Variants in ABR observed in about 807,000 individuals in gnomAD.
ABR encodes the protein ABR activator of RhoGEF and GTPase, also known as active breakpoint cluster region-related protein.
ABR carries 35 observed loss-of-function variants against 107.2 expected under a neutral mutation model. The ratio of observed to expected loss-of-function variants is 0.33; its 90% CI spans 0.25 to 0.43. The LOEUF (loss-of-function observed/expected upper bound fraction) is 0.43. Ranked by LOEUF, ABR falls within the 20% of genes least tolerant of loss-of-function variation. The pLI is 1.00. For missense variants in ABR, 815 were observed against 1,115.2 expected (o/e 0.73, Z 3.83); for synonymous variants, 498 against 462.0 (o/e 1.08, Z -1.00).
At chr17:1,201,912 C>T (rs1461366246) in intron 1 of ABR, among the ~76,000 whole-genome samples, 4 of 152,132 alleles carry the variant, frequency 2.6e-5, no homozygotes, top group South Asian at 2.1e-4. Context: ...CTCCTGACCT[C>T]GTGATCCGCC....
chr17:1,157,700 C>A lies in ABR; in HGVS notation c.61+21967G>T, dbSNP rs918962190. Among the ~76,000 whole-genome samples, 1 of 152,186 alleles carries A rather than the reference C, an allele frequency of 6.6e-6. No homozygotes were observed. The highest frequency in any genetic ancestry group is 1.5e-5 in the Non-Finnish European group (1 of 68,032). Reference sequence around the variant, plus strand: ...ATCCCGGCAGATGAAGGAAAGGAACCGGCAGGCACACCGCTCTCACGCCAA... The same window carrying A: ...ATCCCGGCAGATGAAGGAAAGGAACAGGCAGGCACACCGCTCTCACGCCAA... On this transcript the variant is annotated intron_variant, in intron 1 of 22. Coordinates refer to ENST00000302538, the MANE Select transcript of ABR (RefSeq NM_021962.5). The surrounding 1 kb of genome is among the most constrained non-coding windows in gnomAD (Gnocchi z 4.7).
chr17:1,161,485 A>C (rs1044644523), intron 1 of ABR, among the ~76,000 whole-genome samples: 7 of 151,658 alleles, frequency 4.6e-5, no homozygotes, highest in African/African-American at 1.7e-4. Flanking sequence ...GTCTCGAGCA[A>C]TCCTCCCATC....
chr17:1,103,716 C>T (rs2038060101), intron 2 of ABR, among the ~76,000 whole-genome samples: 1 of 152,148 alleles, frequency 6.6e-6, no homozygotes, highest in Non-Finnish European at 1.5e-5. Context: ...CAACAGTCAG[C>T]CCCAAGAGTC....
intron 1 of ABR, among the ~76,000 whole-genome samples, chr17:1,195,392 G>A (rs1467571490): frequency 2.7e-5 from 4 of 149,384 alleles, no homozygotes; most frequent in East Asian, 2.2e-4. Flanking sequence ...CATCAGGCCC[G>A]GCCCTTAAGG....
In ABR at chr17:1,193,694, TTA is replaced by T. The variant is rs199970386; in HGVS notation, c.838+35097_838+35098del. ...TGCAGCCCTTTTTGTTTGTGTGTTT[TTA>T]TGTTTGAGATAGAGTCTCCCTCTGT... On this transcript the variant is annotated intron_variant, in intron 1 of 22. Coordinates refer to the ABR transcript ENST00000574139. Among the ~76,000 whole-genome samples the T allele has an allele frequency of 7.0e-3, 1,071 of 152,274 alleles. 8 individuals are homozygous for T. The highest frequency in any genetic ancestry group is 0.011 in the Non-Finnish European group (749 of 68,022).
intron 1 of ABR, among the ~76,000 whole-genome samples, chr17:1,174,000 C>T (rs1412202690): frequency 6.6e-6 from 1 of 152,190 alleles, no homozygotes; most frequent in African/African-American, 2.4e-5. Context: ...CCTCCCTCTA[C>T]GAAGGAAGGT....
intron 1 of ABR, among the ~76,000 whole-genome samples, chr17:1,156,466 C>T (rs2041046342): frequency 6.6e-6 from 1 of 152,158 alleles, no homozygotes; most frequent in African/African-American, 2.4e-5. Context: ...GAAGGATCAC[C>T]TGACGCCAGG....
chr17:1,174,631 A>C (rs1798324785), intron 1 of ABR, among the ~76,000 whole-genome samples: 1 of 152,194 alleles, frequency 6.6e-6, no homozygotes, highest in Non-Finnish European at 1.5e-5. Flanking sequence ...GGGGTAAGAG[A>C]AGTGAGCTCC....
chr17:1,157,655 G>A lies in ABR; in HGVS notation c.61+22012C>T, dbSNP rs1228326805. Among the ~76,000 whole-genome samples the A allele has an allele frequency of 2.0e-5, 3 of 152,338 alleles. No individual in the cohort carries two copies. Among genetic ancestry groups the A allele is most frequent in the East Asian group, 1.9e-4 (1 of 5,180 alleles). ...GAGCCGCTGCTGGAACACGCCCAGC[G>A]GAACAGGGGGAAGCCAACAATCCCG... On this transcript the variant is annotated intron_variant, in intron 1 of 22. Transcript: ENST00000302538. The surrounding 1 kb of genome is among the most constrained non-coding windows in gnomAD (Gnocchi z 4.7).
At chr17:1,202,113 T>G (rs1351486688) in intron 1 of ABR, among the ~76,000 whole-genome samples, 1 of 152,036 alleles carries the variant, frequency 6.6e-6, no homozygotes, top group Non-Finnish European at 1.5e-5. Context: ...TTTGCCTCCT[T>G]TTATTTATTT....
upstream of ABR, among the ~76,000 whole-genome samples, chr17:1,188,123 G>GA (rs1454424971): frequency 2.6e-5 from 4 of 152,018 alleles, no homozygotes; most frequent in Non-Finnish European, 5.9e-5. Context: ...GCTGAAGCCG[G>GA]AAAATCACTT....
In ABR at chr17:1,005,309, A is replaced by G; in HGVS notation, c.*771T>C. ...GATAGACAGGAGGCCGAACAGGTAA[A>G]CCCCAGAAGTGGAGATTCCCAAACG... On this transcript the variant is annotated 3_prime_UTR_variant, in exon 23 of 23. Coordinates refer to ENST00000302538, the MANE Select transcript of ABR (RefSeq NM_021962.5). The G allele has an allele frequency of 2.5e-6, 1 of 397,016 alleles. No homozygotes were observed. 24.6% of individuals were successfully genotyped at this position (397,016 alleles called of 1,614,324 possible). A position where few individuals can be genotyped will look rare whatever the true frequency, so the allele number is the denominator to read the frequency against.
At chr17:1,146,875 T>C (rs62069434) in intron 1 of ABR, among the ~76,000 whole-genome samples, 147,443 of 150,312 alleles carry the variant, frequency 0.98, 72,343 homozygotes, top group Middle Eastern at 1. Flanking sequence ...CCACCATTGC[T>C]ACATGACACC....
intron 16 of ABR, among the ~76,000 whole-genome samples, chr17:1,021,188 C>G (rs2071596237): frequency 6.6e-6 from 1 of 152,186 alleles, no homozygotes; most frequent in Admixed American, 6.5e-5. Context: ...TCCCAAGCAG[C>G]CTTCAGTGGA....
Position 1,203,436 on chromosome 17 carries a change from A to AGTCTGCGGGG in ABR, c.838+25356_838+25357insCCCCGCAGAC. On this transcript the variant is annotated intron_variant, in intron 1 of 22. Coordinates refer to the ABR transcript ENST00000574139. ...GTCTGCGGGGGCGGGGCCCGCGGGG[A>AGTCTGCGGGG]CGGAGTCTGCGGGGGCGGGGCCCGC... 9.2e-5 allele frequency among the ~76,000 whole-genome samples: 2 copies of AGTCTGCGGGG among 21,626 alleles called. 1 individual carries two copies. The highest frequency in any genetic ancestry group is 2.6e-3 in the South Asian group (2 of 772). The allele number at this position is 21,626 out of a possible 152,430, so 14.2% of individuals were successfully genotyped here.
At chr17:1,181,969 A>G (rs113180846), upstream of ABR, 1 of 152,248 alleles carries the variant, frequency 6.6e-6, no homozygotes, top group African/African-American at 2.4e-5. Context: ...ATTTTTATCT[A>G]CAAAGGCTTG....
intron 1 of ABR, among the ~76,000 whole-genome samples, chr17:1,152,323 C>T (rs2040832908): frequency 1.4e-5 from 2 of 146,800 alleles, no homozygotes; most frequent in South Asian, 4.3e-4. Context: ...GGGCTGGTGG[C>T]TGATGCCTGT....
chr17:1,073,179 C>CAAAA (rs35495689), intron 7 of ABR, among the ~76,000 whole-genome samples: 10 of 53,210 alleles, frequency 1.9e-4, no homozygotes, highest in African/African-American at 3.9e-4. Flanking sequence ...GACTCCGCCT[C>CAAAA]AAAAAAAAAA....
At chr17:1,202,131 G>T (rs962326708) in intron 1 of ABR, among the ~76,000 whole-genome samples, 2 of 151,716 alleles carry the variant, frequency 1.3e-5, no homozygotes, top group Admixed American at 6.6e-5. Context: ...TTTATTTTTC[G>T]AAACAGAGTC....
Sources: gnomAD v4.1 joint callset for allele counts (sites outside exome capture counted in the v4.1 genomes callset) on GRCh38, gnomAD v4.1.1 for gene constraint, Gnocchi (gnomAD v3.1) non-coding constraint, MANE v1.5 for transcripts, NCBI Gene and HGNC (gene_info 2026-07-23, HGNC 2026-07-21) for gene names.